OXNAD1: variants seen among roughly 807,000 people sequenced by gnomAD.
OXNAD1 encodes oxidoreductase NAD binding domain containing 1.
Under a neutral mutation model 32.9 loss-of-function variants are expected in OXNAD1, and 34 were observed. The ratio of observed to expected loss-of-function variants is 1.03; its 90% CI spans 0.79 to 1.38. The LOEUF (loss-of-function observed/expected upper bound fraction) is 1.38, where lower values mean the gene tolerates loss of function less well. OXNAD1 is among the 40% of genes most tolerant of loss of function. The pLI, the probability that OXNAD1 is intolerant of heterozygous loss-of-function variation, is 0.00. For missense variants in OXNAD1, 407 were observed against 379.4 expected (o/e 1.07, Z -0.60); for synonymous variants, 134 against 135.2 (o/e 0.99, Z 0.06).
chr3:16,271,021 T>A lies in OXNAD1; in HGVS notation c.69T>A (p.Ala23=). The A allele has an allele frequency of 1.2e-6, 2 of 1,614,220 alleles. No individual in the cohort carries two copies. Among genetic ancestry groups the A allele is most frequent in the Non-Finnish European group, 1.7e-6 (2 of 1,180,024 alleles). ...CTGTTGGAGCCATCCGTATTGAGGC[T>A]GCGTCACTGAGATTGACACTCAGCA... ...RCSVGAIRIE[A]ASLRLTLSTL... is the part of the protein sequence containing the mutation. Residue 23 remains alanine, a synonymous_variant, in exon 3 of 9, where the codon GCT becomes GCA. Transcript: ENST00000285083. This position sits in a 1 kb window ranked among gnomAD's most constrained non-coding sequence, Gnocchi z 4.6.
intron 9 of OXNAD1, among the ~76,000 whole-genome samples, chr3:16,324,613 A>AACCCC (rs1553718056): frequency 1.1e-5 from 1 of 90,800 alleles, no homozygotes; most frequent in African/African-American, 4.5e-5. Context: ...AATGTCCCTG[A>AACCCC]CCCCCCCCCT....
downstream of OXNAD1, among the ~76,000 whole-genome samples, chr3:16,338,017 G>A (rs540613179): frequency 3.4e-4 from 52 of 152,256 alleles, no homozygotes; most frequent in Non-Finnish European, 6.5e-4. The surrounding 1 kb of genome is among the most constrained non-coding windows in gnomAD (Gnocchi z 5.3). Flanking sequence ...GTCCTAGCTC[G>A]AGATGTTGCC....
downstream of OXNAD1, among the ~76,000 whole-genome samples, chr3:16,338,318 T>C (rs2071055088): frequency 6.6e-6 from 1 of 152,104 alleles, no homozygotes. The surrounding 1 kb of genome is among the most constrained non-coding windows in gnomAD (Gnocchi z 5.3). Context: ...ACAGGGAAGG[T>C]AATGAGGCCG....
At position 16,271,264 on chromosome 3, in the gene OXNAD1, C is replaced by T; in HGVS notation, c.119+193C>T. 1 of 654,374 alleles carries T rather than the reference C, an allele frequency of 1.5e-6. No individual in the cohort carries two copies. Among genetic ancestry groups the T allele is most frequent in the South Asian group, 2.0e-5 (1 of 50,826 alleles). 40.5% of individuals were successfully genotyped at this position (654,374 alleles called of 1,614,324 possible). A position where few individuals can be genotyped will look rare whatever the true frequency, so the allele number is the denominator to read the frequency against. On this transcript the variant is annotated intron_variant, in intron 3 of 8. Transcript: ENST00000285083. The surrounding 1 kb of genome is among the most constrained non-coding windows in gnomAD (Gnocchi z 4.6). Reference sequence around the variant, plus strand: ...CGTCGCCTGGGCTGGAGTGCAGTGGCACGATCTTAGCTCACTGCAACCTCC... The same window carrying T: ...CGTCGCCTGGGCTGGAGTGCAGTGGTACGATCTTAGCTCACTGCAACCTCC...
chr3:16,322,659 C>A lies in OXNAD1; in HGVS notation c.*31-14453C>A, dbSNP rs754625803. The stretch of plus-strand genomic sequence containing the variant: ...AGGGTGGGGTGGGAAGCATCAGAAT[C>A]ATCTGGCACAAGGGTTGCCGACACT... On this transcript the variant is annotated intron_variant, in intron 9 of 9. Transcript: ENST00000435829. The surrounding 1 kb of genome is among the most constrained non-coding windows in gnomAD (Gnocchi z 6.2). 2.6e-5 allele frequency among the ~76,000 whole-genome samples: 4 copies of A among 152,220 alleles called. No individual in the cohort carries two copies. The highest frequency in any genetic ancestry group is 5.9e-5 in the Non-Finnish European group (4 of 68,046).
intron 9 of OXNAD1, among the ~76,000 whole-genome samples, chr3:16,319,048 G>C (rs1168036174): frequency 1.3e-5 from 2 of 152,204 alleles, no homozygotes; most frequent in Non-Finnish European, 2.9e-5. Context: ...ATAGTTTCCA[G>C]GCACCGTGTT....
At chr3:16,337,741 A>C (rs2070996140), downstream of OXNAD1, among the ~76,000 whole-genome samples, 1 of 74,202 alleles carries the variant, frequency 1.3e-5, no homozygotes, top group Admixed American at 1.3e-4. This position sits in a 1 kb window ranked among gnomAD's most constrained non-coding sequence, Gnocchi z 5.0. Flanking sequence ...ACTCCATCTC[A>C]AAAAAAAAAA....
chr3:16,315,243 GTAGCTGAGAT>G (rs2068262736), intron 9 of OXNAD1, among the ~76,000 whole-genome samples: 1 of 152,116 alleles, frequency 6.6e-6, no homozygotes, highest in Non-Finnish European at 1.5e-5. Context: ...AGCCTCCCGA[GTAGCTGAGAT>G]TACAAGCACC....
At position 16,323,426 on chromosome 3, in the gene OXNAD1, A is replaced by G. The variant is rs1436168735; in HGVS notation, c.*31-13686A>G. On this transcript the variant is annotated intron_variant, in intron 9 of 9. Transcript: ENST00000435829. Reference sequence around the variant, plus strand: ...TGAGGTAGACAAGGTCTCTGAAGAAAGACAATCTGCTTGGTGGATACACTC... The same window carrying G: ...TGAGGTAGACAAGGTCTCTGAAGAAGGACAATCTGCTTGGTGGATACACTC... 1.2e-6 allele frequency: 2 copies of G among 1,612,418 alleles called. No individual in the cohort carries two copies. Among genetic ancestry groups the G allele is most frequent in the Admixed American group, 1.7e-5 (1 of 59,998 alleles).
In OXNAD1 at chr3:16,288,062, A is replaced by G. The variant is rs762636863; in HGVS notation, c.290+1614A>G. Among the ~76,000 whole-genome samples the G allele has an allele frequency of 1.3e-5, 2 of 151,914 alleles. No individual in the cohort carries two copies. Among genetic ancestry groups the G allele is most frequent in the African/African-American group, 2.4e-5 (1 of 41,344 alleles). On this transcript the variant is annotated intron_variant, in intron 5 of 8. Coordinates refer to ENST00000285083, the MANE Select transcript of OXNAD1 (RefSeq NM_138381.5). The surrounding 1 kb of genome is among the most constrained non-coding windows in gnomAD (Gnocchi z 5.1). ...TCTTTCAACAAATTTTACCCTTACC[A>G]TTGATTTATGGTTCTAGGGGTTGTG...
rs2071527060 is a variant in OXNAD1, at chr3:16,344,716, A to G, written c.*31-4460A>G. 6.6e-6 allele frequency among the ~76,000 whole-genome samples: 1 copy of G among 152,186 alleles called. No homozygotes were observed. Among genetic ancestry groups the G allele is most frequent in the African/African-American group, 2.4e-5 (1 of 41,442 alleles). On this transcript the variant is annotated intron_variant, in intron 9 of 9. Coordinates refer to the OXNAD1 transcript ENST00000606098. This position sits in a 1 kb window ranked among gnomAD's most constrained non-coding sequence, Gnocchi z 4.4. Reference sequence around the variant, plus strand: ...GCTCATGAAGACAGACCTCCTCCCAATGAAAGCACATCGTTGCCAAGTGCG... The same window carrying G: ...GCTCATGAAGACAGACCTCCTCCCAGTGAAAGCACATCGTTGCCAAGTGCG...
chr3:16,280,619 G>C lies in OXNAD1; in HGVS notation c.184-5723G>C, dbSNP rs754531350. 6.6e-6 allele frequency among the ~76,000 whole-genome samples: 1 copy of C among 151,926 alleles called. No individual in the cohort carries two copies. The highest frequency in any genetic ancestry group is 1.5e-5 in the Non-Finnish European group (1 of 67,994). ...AACCATACCTACATTTTTGTTTTAG[G>C]TCATCTCTAGTCATGGCTTTGCCTA... On this transcript the variant is annotated intron_variant, in intron 4 of 8. Coordinates refer to ENST00000285083, the MANE Select transcript of OXNAD1 (RefSeq NM_138381.5). This position sits in a 1 kb window ranked among gnomAD's most constrained non-coding sequence, Gnocchi z 4.5.
At chr3:16,333,727 A>G (rs1477571468) in intron 9 of OXNAD1, among the ~76,000 whole-genome samples, 3 of 152,012 alleles carry the variant, frequency 2.0e-5, no homozygotes, top group South Asian at 2.1e-4. Context: ...CATATTACAG[A>G]AAAAAAAGGG....
intron 9 of OXNAD1, among the ~76,000 whole-genome samples, chr3:16,343,709 A>G (rs1045929173): frequency 5.3e-5 from 8 of 152,226 alleles, no homozygotes; most frequent in Non-Finnish European, 1.2e-4. Context: ...TATTTATTCA[A>G]TCAATGTTTG....
Position 16,335,317 on chromosome 3 carries a change from C to T in OXNAD1, c.*31-1795C>T, listed in dbSNP as rs529900444. ...TGTGAGGGGGTGAGCAGAAGATGAA[C>T]GAAAATGGGCTGAGTGGGAAGGAAT... is the stretch of plus-strand genomic sequence containing the variant. On this transcript the variant is annotated intron_variant, in intron 9 of 9. Transcript: ENST00000435829. The surrounding 1 kb of genome is among the most constrained non-coding windows in gnomAD (Gnocchi z 4.7). Among the ~76,000 whole-genome samples, 9 of 152,170 alleles carry T rather than the reference C, an allele frequency of 5.9e-5. No individual in the cohort carries two copies. Among genetic ancestry groups the T allele is most frequent in the African/African-American group, 2.2e-4 (9 of 41,522 alleles).
At position 16,265,929 on chromosome 3, in the gene OXNAD1, T is replaced by A; in HGVS notation, c.-159+424T>A. On this transcript the variant is annotated intron_variant, in intron 1 of 8. Coordinates refer to ENST00000285083, the MANE Select transcript of OXNAD1 (RefSeq NM_138381.5). This position sits in a 1 kb window ranked among gnomAD's most constrained non-coding sequence, Gnocchi z 4.8. ...CAGGTTTATCAGTGTGAGGCCTATGTATGCCTTGAAGCGAAATGCAGATAA... is the reference window on the plus strand; with the variant it reads ...CAGGTTTATCAGTGTGAGGCCTATGAATGCCTTGAAGCGAAATGCAGATAA... 12 of 982,460 alleles carry A rather than the reference T, an allele frequency of 1.2e-5. No homozygotes were observed. Among genetic ancestry groups the A allele is most frequent in the Non-Finnish European group, 1.3e-5 (11 of 827,190 alleles). 60.9% of individuals were successfully genotyped at this position (982,460 alleles called of 1,614,324 possible).
At chr3:16,279,916 A>G (rs1436885659) in intron 4 of OXNAD1, among the ~76,000 whole-genome samples, 1 of 152,172 alleles carries the variant, frequency 6.6e-6, no homozygotes, top group Non-Finnish European at 1.5e-5. Flanking sequence ...GGAGCAGAGA[A>G]ATGGGGTGAA....
At position 16,344,537 on chromosome 3, in the gene OXNAD1, G is replaced by A. The variant is rs1387789141; in HGVS notation, c.*31-4639G>A. ...AGAATGCTTTATGTGGAGCCCAAGA[G>A]CATCCATGTTCTTATTCTTAGATCC... On this transcript the variant is annotated intron_variant, in intron 9 of 9. Coordinates refer to the OXNAD1 transcript ENST00000606098. The surrounding 1 kb of genome is among the most constrained non-coding windows in gnomAD (Gnocchi z 4.4). Among the ~76,000 whole-genome samples, 1 of 151,990 alleles carries A rather than the reference G, an allele frequency of 6.6e-6. No individual in the cohort carries two copies. The highest frequency in any genetic ancestry group is 2.4e-5 in the African/African-American group (1 of 41,362).
chr3:16,266,325 C>T (rs1304871857), intron 1 of OXNAD1, among the ~76,000 whole-genome samples: 1 of 152,148 alleles, frequency 6.6e-6, no homozygotes, highest in Non-Finnish European at 1.5e-5. Context: ...TCCCTGTGCA[C>T]TTTTGAAGAA....
Sources: allele counts gnomAD v4.1 joint callset (sites outside exome capture counted in the v4.1 genomes callset), GRCh38; gene constraint gnomAD v4.1.1; non-coding constraint Gnocchi (gnomAD v3.1); transcripts MANE v1.5; gene names NCBI Gene and HGNC (gene_info 2026-07-23, HGNC 2026-07-21).